The following TGIF2 variants were observed in gnomAD, a reference collection of about 807,000 sequenced individuals.
TGIF2 encodes TGFB induced factor homeobox 2.
In TGIF2, 5 loss-of-function variants were observed where a neutral mutation model predicts 15.1. The observed-to-expected ratio is 0.33, with a 90% CI of 0.17 to 0.70. The LOEUF (loss-of-function observed/expected upper bound fraction) is 0.70, where lower values mean the gene tolerates loss of function less well. Ranked by LOEUF, TGIF2 falls within the 30% of genes least tolerant of loss-of-function variation. The pLI, the probability that TGIF2 is intolerant of heterozygous loss-of-function variation, is 0.67. For missense variants in TGIF2, 264 were observed against 302.5 expected (o/e 0.87, Z 0.94); for synonymous variants, 131 against 128.9 (o/e 1.02, Z -0.11).
Position 36,591,186 on chromosome 20 carries a change from C to A in TGIF2, c.469C>A (p.Leu157Met). Residue 157 changes from leucine (L) to methionine (M), a missense_variant, in exon 3 of 3, where the codon CTG (leucine) becomes ATG (methionine). Transcript: ENST00000373872. This position sits in a 1 kb window ranked among gnomAD's most constrained non-coding sequence, Gnocchi z 5.3. ...TGGGGAGCTGGAGTCTCCCAAGCCC[C>A]TGGTGACCCCTGGTAGCACACTTAC... ...PRGELESPKP[L>M]VTPGSTLTLL... 1 of 1,614,206 alleles carries A rather than the reference C, an allele frequency of 6.2e-7. No individual in the cohort carries two copies. The highest frequency in any genetic ancestry group is 1.3e-5 in the African/African-American group (1 of 75,066).
In TGIF2 at chr20:36,578,903, C is replaced by T. The variant is rs1266773414; in HGVS notation, c.129C>T (p.Asn43=). The change falls in exon 2 of 3, where the codon AAC becomes AAT. Residue 43 remains asparagine (N), a synonymous_variant. Coordinates refer to ENST00000373872, the MANE Select transcript of TGIF2 (RefSeq NM_021809.7). ...LRDWLYLHRY[N]AYPSEQEKLS... ...ACTGGCTGTACTTGCACCGCTACAA[C>T]GCCTACCCCTCAGAGCAGGAGAAGC... The T allele has an allele frequency of 8.1e-6, 13 of 1,614,198 alleles. No homozygotes were observed. The highest frequency in any genetic ancestry group is 2.2e-5 in the East Asian group (1 of 44,884).
rs1276438688 is a variant in TGIF2 at position 36,592,811 on chromosome 20, G to T, written c.*1380G>T. ...TTTTTCTTTTGCTGTTTTGTTTTTT[G>T]TTTTTTGTTTGTTTGTTTGTTTTTT... On this transcript the variant is annotated 3_prime_UTR_variant, in exon 3 of 3. Coordinates refer to ENST00000373872, the MANE Select transcript of TGIF2 (RefSeq NM_021809.7). 6.3e-6 allele frequency: 1 copy of T among 157,794 alleles called. No homozygotes were observed. Among genetic ancestry groups the T allele is most frequent in the Admixed American group, 6.5e-5 (1 of 15,312 alleles). The allele number at this position is 157,794 out of a possible 1,614,324, so 9.8% of individuals were successfully genotyped here. A position where few individuals can be genotyped will look rare whatever the true frequency, so the allele number is the denominator to read the frequency against.
At position 36,578,737 on chromosome 20, in the gene TGIF2, C is replaced by T. The variant is rs769722928; in HGVS notation, c.-34-4C>T. 2 of 1,573,814 alleles carry T rather than the reference C, an allele frequency of 1.3e-6. No individual in the cohort carries two copies. Among genetic ancestry groups the T allele is most frequent in the South Asian group, 1.2e-5 (1 of 85,236 alleles). Reference sequence around the variant, plus strand: ...GTTCCCATCCCCTGTGTCCCTTGTCCCAGGTTTACCCAAGGTCCAGCCTAG... The same window carrying T: ...GTTCCCATCCCCTGTGTCCCTTGTCTCAGGTTTACCCAAGGTCCAGCCTAG... On this transcript the variant is annotated splice_region_variant and splice_polypyrimidine_tract_variant and intron_variant, in intron 1 of 2. Coordinates refer to ENST00000373872, the MANE Select transcript of TGIF2 (RefSeq NM_021809.7).
chr20:36,591,603 G>C lies in TGIF2; in HGVS notation c.*172G>C. ...AGCTGGCACCACTGCACTGTGATGGGGGCCCTCTCCTCTGCTGACTCTGCC... is the reference window on the plus strand; with the variant it reads ...AGCTGGCACCACTGCACTGTGATGGCGGCCCTCTCCTCTGCTGACTCTGCC... On this transcript the variant is annotated 3_prime_UTR_variant, in exon 3 of 3. Transcript: ENST00000373872. The surrounding 1 kb of genome is among the most constrained non-coding windows in gnomAD (Gnocchi z 5.3). The C allele has an allele frequency of 1.5e-6, 1 of 689,450 alleles. No individual in the cohort carries two copies. Among genetic ancestry groups the C allele is most frequent in the Non-Finnish European group, 2.4e-6 (1 of 424,558 alleles). The allele number at this position is 689,450 out of a possible 1,614,324, so 42.7% of individuals were successfully genotyped here. A position where few individuals can be genotyped will look rare whatever the true frequency, so the allele number is the denominator to read the frequency against.
intron 2 of TGIF2, 69 bp from the exon 3 acceptor site, chr20:36,590,841 G>A (rs1223251395): frequency 2.0e-6 from 3 of 1,472,574 alleles, no homozygotes; most frequent in Non-Finnish European, 2.7e-6. Context: ...TTACAGGTGT[G>A]AGCCACTGTG....
At chr20:36,580,813 CAAAAAAA>C (rs71184101) in intron 2 of TGIF2, among the ~76,000 whole-genome samples, 1 of 45,928 alleles carries the variant, frequency 2.2e-5, no homozygotes, top group Admixed American at 3.3e-4. Flanking sequence ...GACATTGTCT[CAAAAAAA>C]AAAAAAAAAA....
intron 2 of TGIF2, among the ~76,000 whole-genome samples, chr20:36,584,158 A>G (rs1034772329): frequency 6.6e-6 from 1 of 152,138 alleles, no homozygotes; most frequent in African/African-American, 2.4e-5. Flanking sequence ...CTGGTCCCCT[A>G]CATTCCCACT....
intron 1 of TGIF2, among the ~76,000 whole-genome samples, chr20:36,574,196 G>A (rs868717745): frequency 2.0e-4 from 31 of 152,130 alleles, no homozygotes; most frequent in Middle Eastern, 3.4e-3. Context: ...AGGGCCCGGA[G>A]CGGGGGGGCC....
intron 2 of TGIF2, among the ~76,000 whole-genome samples, chr20:36,588,865 G>A (rs1204025072): frequency 3.9e-5 from 6 of 152,200 alleles, no homozygotes; most frequent in Non-Finnish European, 2.9e-5. Context: ...TCAAGCCACC[G>A]TTTAGACCAC....
intron 2 of TGIF2, among the ~76,000 whole-genome samples, chr20:36,582,937 CTAAACCATCATT>C (rs2038575657): frequency 6.6e-6 from 1 of 152,176 alleles, no homozygotes; most frequent in South Asian, 2.1e-4. Flanking sequence ...CTACCCTCAT[CTAAACCATCATT>C]ATCTGATCAC....
At chr20:36,582,683 C>G (rs2038571220) in intron 2 of TGIF2, among the ~76,000 whole-genome samples, 1 of 152,248 alleles carries the variant, frequency 6.6e-6, no homozygotes. Context: ...GGAAAGGAAA[C>G]TGGGCATCCC....
intron 2 of TGIF2, 108 bp downstream of exon 2, chr20:36,579,074 TG>T: frequency 7.0e-7 from 1 of 1,424,830 alleles, no homozygotes; most frequent in Non-Finnish European, 9.3e-7. Context: ...TTTCACTGTC[TG>T]GGCTTCGGTT....
At chr20:36,589,394 CTTTTTT>C (rs201244590) in intron 2 of TGIF2, among the ~76,000 whole-genome samples, 1 of 140,372 alleles carries the variant, frequency 7.1e-6, no homozygotes, top group Non-Finnish European at 1.6e-5. Flanking sequence ...TCTAACTTGA[CTTTTTT>C]TTTTTTTTTT....
At position 36,590,939 on chromosome 20, in the gene TGIF2, G is replaced by A. The variant is rs763926515; in HGVS notation, c.222G>A (p.Arg74=). The A allele has an allele frequency of 2.2e-5, 34 of 1,518,508 alleles. No homozygotes were observed. The Middle Eastern group carries it at 5.4e-4, about 24-fold the overall frequency. 94.1% of individuals were successfully genotyped at this position (1,518,508 alleles called of 1,614,324 possible). The change falls in exon 3 of 3, where the codon CGG becomes CGA. Residue 74 remains arginine (R), a synonymous_variant. Transcript: ENST00000373872. ...GTAACTGGTTCATCAATGCCCGGCG[G>A]CGGCTTCTCCCAGACATGCTTCGGA... ...QICNWFINAR[R]RLLPDMLRKD...
Position 36,591,242 on chromosome 20 carries a change from C to G in TGIF2, c.525C>G (p.Pro175=). The G allele has an allele frequency of 1.2e-6, 2 of 1,614,208 alleles. No homozygotes were observed. The highest frequency in any genetic ancestry group is 1.7e-6 in the Non-Finnish European group (2 of 1,180,020). The part of the protein sequence containing the change: ...TLLTRAEAGS[P]TGGLFNTPPP... ...TGACCAGGGCTGAGGCTGGAAGCCCCACAGGTGGACTCTTCAACACGCCAC... is the reference window on the plus strand; with the variant it reads ...TGACCAGGGCTGAGGCTGGAAGCCCGACAGGTGGACTCTTCAACACGCCAC... Residue 175 remains proline, a synonymous_variant, in exon 3 of 3, where the codon CCC becomes CCG. Coordinates refer to ENST00000373872, the MANE Select transcript of TGIF2 (RefSeq NM_021809.7). This position sits in a 1 kb window ranked among gnomAD's most constrained non-coding sequence, Gnocchi z 5.3.
At chr20:36,575,568 C>A (rs867461945) in intron 1 of TGIF2, among the ~76,000 whole-genome samples, 1 of 152,166 alleles carries the variant, frequency 6.6e-6, no homozygotes, top group Non-Finnish European at 1.5e-5. Context: ...AGGAGTGGCA[C>A]GTCTAACCAG....
chr20:36,585,618 C>T (rs1450327551), intron 2 of TGIF2, among the ~76,000 whole-genome samples: 3 of 152,066 alleles, frequency 2.0e-5, no homozygotes, highest in Non-Finnish European at 2.9e-5. Context: ...CTCCTTTAAC[C>T]CTCCCAGGAG....
chr20:36,583,057 CTTGAGGCCAGGCCAGGTGTT>C (rs1285072986), intron 2 of TGIF2, among the ~76,000 whole-genome samples: 1 of 151,942 alleles, frequency 6.6e-6, no homozygotes, highest in African/African-American at 2.4e-5. Context: ...AGGCAGTTCG[CTTGAGGCCAGGCCAGGTGTT>C]TTGAGGCCAG....
rs144942915 is a variant in TGIF2 at position 36,581,041 on chromosome 20, T to C, written c.192+2075T>C. 6.6e-3 allele frequency among the ~76,000 whole-genome samples: 1,008 copies of C among 151,900 alleles called. 11 individuals carry two copies. The highest frequency in any genetic ancestry group is 0.024 in the African/African-American group (975 of 41,386). On this transcript the variant is annotated intron_variant, in intron 2 of 2. Coordinates refer to ENST00000373872, the MANE Select transcript of TGIF2 (RefSeq NM_021809.7). Reference sequence around the variant, plus strand: ...ACTCGGGAGGCTGAGGCAGGAGAATTGCTTGAACCTGGGAGGCGGAGGTTG... The same window carrying C: ...ACTCGGGAGGCTGAGGCAGGAGAATCGCTTGAACCTGGGAGGCGGAGGTTG...
Sources: allele counts gnomAD v4.1 joint callset (sites outside exome capture counted in the v4.1 genomes callset), GRCh38; gene constraint gnomAD v4.1.1; non-coding constraint Gnocchi (gnomAD v3.1); transcripts MANE v1.5; gene names NCBI Gene and HGNC (gene_info 2026-07-23, HGNC 2026-07-21).